Variants in NEURL1 observed in about 807,000 individuals in gnomAD.
NEURL1 encodes the protein E3 ubiquitin-protein ligase NEURL1.
Under a neutral mutation model 41.2 loss-of-function variants are expected in NEURL1, and 26 were observed. That is an observed-to-expected ratio of 0.63 (90% CI 0.46 to 0.87). The LOEUF (loss-of-function observed/expected upper bound fraction) is 0.87, where lower values mean the gene tolerates loss of function less well. Ranked by LOEUF, NEURL1 falls within the 40% of genes least tolerant of loss-of-function variation. The pLI, the probability that NEURL1 is intolerant of heterozygous loss-of-function variation, is 0.00. For synonymous variants in NEURL1, 400 were observed against 402.3 expected, an observed-to-expected ratio of 0.99 and a Z score of 0.07; for missense variants, 761 against 871.1, an observed-to-expected ratio of 0.87 and a Z score of 1.59.
intron 3 of NEURL1, 61 bp downstream of exon 3, chr10:103,571,883 C>T (rs2035558971): frequency 3.4e-6 from 5 of 1,461,510 alleles, no homozygotes; most frequent in Middle Eastern, 2.0e-4. Flanking sequence ...CTGGGCACTG[C>T]AGCCTGGCAC....
rs1355605786 is a variant in NEURL1 at position 103,508,237 on chromosome 10, C to G, written c.85+13765C>G. The stretch of plus-strand genomic sequence containing the variant: ...AGCATGTAACCAACCCCTCTCCCCT[C>G]CCATGACAGAATTCACAGCACACTT... On this transcript the variant is annotated intron_variant, in intron 1 of 5. Transcript: ENST00000369780. The surrounding 1 kb of genome is among the most constrained non-coding windows in gnomAD (Gnocchi z 4.3). Among the ~76,000 whole-genome samples the G allele has an allele frequency of 6.6e-6, 1 of 152,210 alleles. No individual in the cohort carries two copies. Among genetic ancestry groups the G allele is most frequent in the African/African-American group, 2.4e-5 (1 of 41,444 alleles).
intron 1 of NEURL1, among the ~76,000 whole-genome samples, chr10:103,536,727 T>A (rs1347809234): frequency 6.6e-6 from 1 of 152,222 alleles, no homozygotes; most frequent in Non-Finnish European, 1.5e-5. Context: ...ACTTAGTTTT[T>A]GTTTCTGTAC....
chr10:103,558,542 TG>T lies in NEURL1; in HGVS notation c.86-12329del, dbSNP rs1198005255. ...GTGTGTGTGTGTGTGTGTGTGTGTG[TG>T]TGTGTAGTGGGGCTGGTGGTGAGGA... On this transcript the variant is annotated intron_variant, in intron 1 of 5. Transcript: ENST00000369780. The surrounding 1 kb of genome is among the most constrained non-coding windows in gnomAD (Gnocchi z 4.2). 1.9e-3 allele frequency among the ~76,000 whole-genome samples: 287 copies of T among 149,744 alleles called. 1 individual carries two copies. The highest frequency in any genetic ancestry group is 6.4e-3 in the African/African-American group (255 of 39,722).
intron 1 of NEURL1, among the ~76,000 whole-genome samples, chr10:103,560,730 C>G (rs1488043311): frequency 1.3e-5 from 2 of 152,152 alleles, no homozygotes; most frequent in Non-Finnish European, 2.9e-5. Flanking sequence ...AGTTAGCTAG[C>G]TGGAGCCCGT....
In NEURL1 at chr10:103,494,326, C is replaced by T. The variant is rs1377298925; in HGVS notation, c.-62C>T. On this transcript the variant is annotated 5_prime_UTR_variant, in exon 1 of 6. Coordinates refer to ENST00000369780, the MANE Select transcript of NEURL1 (RefSeq NM_004210.5). The stretch of plus-strand genomic sequence containing the variant: ...CGCGCGCGCACACTCGCACACCGCA[C>T]CTCAGCGCCTGCCCGGCCTCGCCCC... 2.1e-6 allele frequency: 3 copies of T among 1,429,974 alleles called. No individual in the cohort carries two copies. Among genetic ancestry groups the T allele is most frequent in the East Asian group, 2.6e-5 (1 of 38,928 alleles). 88.6% of individuals were successfully genotyped at this position (1,429,974 alleles called of 1,614,324 possible).
In NEURL1 at chr10:103,494,280, C is replaced by T. The variant is rs1165835364; in HGVS notation, c.-108C>T. On this transcript the variant is annotated 5_prime_UTR_variant, in exon 1 of 6. Coordinates refer to ENST00000369780, the MANE Select transcript of NEURL1 (RefSeq NM_004210.5). ...CCCCCGGCTGCAGCCCCAGCAGGGC[C>T]CTCCCCCGGTGGCGCGCACCCGCGC... 11 of 840,340 alleles carry T rather than the reference C, an allele frequency of 1.3e-5. No homozygotes were observed. Among genetic ancestry groups the T allele is most frequent in the Non-Finnish European group, 2.0e-5 (11 of 556,912 alleles). 52.1% of individuals were successfully genotyped at this position (840,340 alleles called of 1,614,324 possible).
chr10:103,505,372 T>C (rs145046154), intron 1 of NEURL1, among the ~76,000 whole-genome samples: 1,540 of 152,136 alleles, frequency 0.01, 26 homozygotes, highest in African/African-American at 0.035. Context: ...TACAGGCACC[T>C]ACCACCACAC....
chr10:103,536,763 A>G (rs1447048222), intron 1 of NEURL1, among the ~76,000 whole-genome samples: 5 of 152,214 alleles, frequency 3.3e-5, no homozygotes, highest in African/African-American at 7.2e-5. Flanking sequence ...TAAAATACAC[A>G]TAACATAAAA....
chr10:103,582,272 G>A (rs1448951206), intron 3 of NEURL1, among the ~76,000 whole-genome samples: 1 of 152,144 alleles, frequency 6.6e-6, no homozygotes, highest in Non-Finnish European at 1.5e-5. Context: ...AGCAGGGACT[G>A]TTCCCCAGGG....
At chr10:103,533,814 GCT>G in intron 1 of NEURL1, among the ~76,000 whole-genome samples, 1 of 152,114 alleles carries the variant, frequency 6.6e-6, no homozygotes, top group African/African-American at 2.4e-5. Flanking sequence ...GGGATTACAG[GCT>G]TGAGCCACCG....
chr10:103,528,622 GGAA>G (rs1469382333), intron 1 of NEURL1, among the ~76,000 whole-genome samples: 1 of 152,124 alleles, frequency 6.6e-6, no homozygotes, highest in Non-Finnish European at 1.5e-5. Flanking sequence ...GGTGATATCA[GGAA>G]GAAGAATAAG....
chr10:103,497,443 A>C (rs540187114), intron 1 of NEURL1, among the ~76,000 whole-genome samples: 28 of 152,270 alleles, frequency 1.8e-4, no homozygotes, highest in African/African-American at 5.5e-4. Context: ...CTCTCCTTAC[A>C]TAATTTCAGT....
chr10:103,549,425 C>T (rs2133867031), intron 1 of NEURL1, among the ~76,000 whole-genome samples: 1 of 152,300 alleles, frequency 6.6e-6, no homozygotes, highest in Non-Finnish European at 1.5e-5. Context: ...TACTTTTGCT[C>T]TCCTCTCCCT....
intron 1 of NEURL1, among the ~76,000 whole-genome samples, chr10:103,511,357 G>T (rs2034068359): frequency 6.6e-6 from 1 of 152,180 alleles, no homozygotes; most frequent in South Asian, 2.1e-4. Context: ...GTCCCACTGG[G>T]CTATGGAAAC....
intron 1 of NEURL1, among the ~76,000 whole-genome samples, chr10:103,554,256 C>G (rs2035095662): frequency 6.6e-6 from 1 of 152,194 alleles, no homozygotes; most frequent in African/African-American, 2.4e-5. Flanking sequence ...CTTAAGATTT[C>G]TCTAGAAACT....
rs150058956 is a variant in NEURL1 at position 103,556,277 on chromosome 10, C to T, written c.86-14595C>T. ...GGGAGCGCCATGGCCGATGTGGCAG[C>T]AGACCCGGAGAAGCCTTCCTAGGGA... On this transcript the variant is annotated intron_variant, in intron 1 of 5. Transcript: ENST00000369780. This position sits in a 1 kb window ranked among gnomAD's most constrained non-coding sequence, Gnocchi z 4.4. Among the ~76,000 whole-genome samples, 99 of 152,356 alleles carry T rather than the reference C, an allele frequency of 6.5e-4. 1 individual carries two copies. The highest frequency in any genetic ancestry group is 2.3e-3 in the African/African-American group (94 of 41,578).
chr10:103,546,865 G>A (rs2133865965), intron 1 of NEURL1, among the ~76,000 whole-genome samples: 1 of 152,358 alleles, frequency 6.6e-6, no homozygotes, highest in Middle Eastern at 3.4e-3. Context: ...AGCTTTGAGA[G>A]GAAGAAGCCC....
At chr10:103,582,031 G>A (rs1564831303) in intron 3 of NEURL1, among the ~76,000 whole-genome samples, 1 of 152,196 alleles carries the variant, frequency 6.6e-6, no homozygotes, top group Non-Finnish European at 1.5e-5. Flanking sequence ...CTTGCATCCA[G>A]CCCCATTAAG....
At chr10:103,533,202 C>T (rs1164048452) in intron 1 of NEURL1, among the ~76,000 whole-genome samples, 3 of 152,060 alleles carry the variant, frequency 2.0e-5, no homozygotes, top group Non-Finnish European at 4.4e-5. Flanking sequence ...GCTGGGATTA[C>T]AAGCTTGAGC....
Sources: allele counts gnomAD v4.1 joint callset (sites outside exome capture counted in the v4.1 genomes callset), GRCh38; gene constraint gnomAD v4.1.1; non-coding constraint Gnocchi (gnomAD v3.1); transcripts MANE v1.5; gene names NCBI Gene and HGNC (gene_info 2026-07-23, HGNC 2026-07-21).